Variants in KLHL36 observed in about 807,000 individuals in gnomAD.
The protein encoded by KLHL36 is kelch-like protein 36.
A neutral mutation model predicts 53.3 loss-of-function variants in KLHL36; 35 were observed. The observed-to-expected ratio is 0.66, with a 90% confidence interval of 0.50 to 0.87. KLHL36 has a LOEUF of 0.87. KLHL36 is among the 40% of genes least tolerant of loss of function. The probability of loss-of-function intolerance (pLI) is 0.00; values close to 1 mark genes in which losing one functional copy is unlikely to be tolerated. For missense variants in KLHL36, 864 were observed against 897.6 expected, an observed-to-expected ratio of 0.96 and a Z score of 0.48; for synonymous variants, 472 against 398.9, an observed-to-expected ratio of 1.18 and a Z score of -2.18.
At position 84,663,329 on chromosome 16, in the gene KLHL36, AC is replaced by A. The variant is rs1413842794; in HGVS notation, c.*1199del. The A allele has an allele frequency of 3.3e-5, 5 of 152,212 alleles. No homozygotes were observed. The allele number at this position is 152,212 out of a possible 1,614,324, so 9.4% of individuals were successfully genotyped here. A position where few individuals can be genotyped will look rare whatever the true frequency, so the allele number is the denominator to read the frequency against. On this transcript the variant is annotated 3_prime_UTR_variant, in exon 5 of 5. Transcript: ENST00000564996. Reference sequence around the variant, plus strand: ...GCCATTCAGCCTCTGAGCTGTTCGTACCCGGATGGCATCCCCTTCAGGATGT... The same window carrying A: ...GCCATTCAGCCTCTGAGCTGTTCGTACCGGATGGCATCCCCTTCAGGATGT...
At chr16:84,651,850 T>G (rs191269592) in intron 2 of KLHL36, among the ~76,000 whole-genome samples, 9 of 152,334 alleles carry the variant, frequency 5.9e-5, no homozygotes, top group Non-Finnish European at 1.0e-4. Context: ...GAAAAAAATC[T>G]TAAAAGCCTT....
At chr16:84,653,668 C>G (rs1245031335) in intron 2 of KLHL36, among the ~76,000 whole-genome samples, 1 of 152,054 alleles carries the variant, frequency 6.6e-6, no homozygotes, top group Non-Finnish European at 1.5e-5. Context: ...TGGCAAAACC[C>G]TGTCTCTACT....
intron 2 of KLHL36, among the ~76,000 whole-genome samples, chr16:84,654,882 T>A (rs1907110068): frequency 1.3e-5 from 2 of 152,190 alleles, no homozygotes; most frequent in Non-Finnish European, 2.9e-5. Flanking sequence ...AGTACTGGGA[T>A]TCCAGGCATG....
chr16:84,654,955 A>G (rs1907115415), intron 2 of KLHL36, among the ~76,000 whole-genome samples: 1 of 152,226 alleles, frequency 6.6e-6, no homozygotes, highest in African/African-American at 2.4e-5. Flanking sequence ...CTACTGTTGC[A>G]TGCCAGCCTG....
At chr16:84,660,077 G>A (rs967721680) in intron 4 of KLHL36, among the ~76,000 whole-genome samples, 160 bp downstream of exon 4, 6 of 152,280 alleles carry the variant, frequency 3.9e-5, no homozygotes, top group Non-Finnish European at 7.4e-5. Context: ...GGCGGAGGGC[G>A]TGACGGTGCA....
chr16:84,659,619 C>G (rs1907426612), intron 3 of KLHL36, 141 bp from the exon 4 acceptor site: 6 of 858,634 alleles, frequency 7.0e-6, no homozygotes, highest in Non-Finnish European at 1.1e-5. Context: ...TGAAGAAGCC[C>G]TCTTTATTCA....
At position 84,655,703 on chromosome 16, in the gene KLHL36, C is replaced by CAA. The variant is rs568975346; in HGVS notation, c.64-1151_64-1150dup. ...TGGGCAACAGAGTGAGACCCTGTCT[C>CAA]AAAAAAAAAAAAAAAAAAGTCGAAC... On this transcript the variant is annotated intron_variant, in intron 2 of 4. Coordinates refer to ENST00000564996, the MANE Select transcript of KLHL36 (RefSeq NM_024731.4). Among the ~76,000 whole-genome samples the CAA allele has an allele frequency of 3.4e-4, 32 of 93,320 alleles. 1 individual carries two copies. The highest frequency in any genetic ancestry group is 3.6e-4 in the East Asian group (1 of 2,810). The allele number at this position is 93,320 out of a possible 152,430, so 61.2% of individuals were successfully genotyped here.
chr16:84,650,483 G>A (rs939438165), intron 1 of KLHL36, among the ~76,000 whole-genome samples: 1 of 152,116 alleles, frequency 6.6e-6, no homozygotes, highest in Non-Finnish European at 1.5e-5. Flanking sequence ...CTTTGTGGGG[G>A]TTAAATGAGA....
intron 3 of KLHL36, 36 bp from the exon 4 acceptor site, chr16:84,659,724 C>A: frequency 6.2e-7 from 1 of 1,603,508 alleles, no homozygotes; most frequent in African/African-American, 1.3e-5. Context: ...GTCCCGGGTT[C>A]GGGGAAGGGA....
intron 4 of KLHL36, among the ~76,000 whole-genome samples, chr16:84,660,144 A>C (rs1907463797): frequency 6.6e-6 from 1 of 152,166 alleles, no homozygotes; most frequent in Non-Finnish European, 1.5e-5. Flanking sequence ...GCCATGACGG[A>C]CATCCCTCCA....
rs1907608556 is a variant in KLHL36, at chr16:84,662,326, T to C, written c.*193T>C. ...TGTAACTTTACATATCTTGCTTGAA[T>C]AACTAACCCTGGGCCCAGGCAGTGA... is the stretch of plus-strand genomic sequence containing the variant. On this transcript the variant is annotated 3_prime_UTR_variant, in exon 5 of 5. Coordinates refer to ENST00000564996, the MANE Select transcript of KLHL36 (RefSeq NM_024731.4). 1 of 567,830 alleles carries C rather than the reference T, an allele frequency of 1.8e-6. No individual in the cohort carries two copies. The allele number at this position is 567,830 out of a possible 1,614,324, so 35.2% of individuals were successfully genotyped here. A position where few individuals can be genotyped will look rare whatever the true frequency, so the allele number is the denominator to read the frequency against.
At chr16:84,660,506 A>G (rs1907483065) in intron 4 of KLHL36, among the ~76,000 whole-genome samples, 1 of 152,160 alleles carries the variant, frequency 6.6e-6, no homozygotes. Context: ...GAAGGTGCAC[A>G]CCATTTTTTC....
rs1298683843 is a variant in KLHL36, at chr16:84,667,476, G to C, written c.*5343G>C. 6.6e-6 allele frequency: 1 copy of C among 152,022 alleles called. No individual in the cohort carries two copies. Among genetic ancestry groups the C allele is most frequent in the Non-Finnish European group, 1.5e-5 (1 of 68,004 alleles). The allele number at this position is 152,022 out of a possible 1,614,324, so 9.4% of individuals were successfully genotyped here. On this transcript the variant is annotated 3_prime_UTR_variant, in exon 5 of 5. Coordinates refer to ENST00000564996, the MANE Select transcript of KLHL36 (RefSeq NM_024731.4). ...CTTAACTCTTTTTAATTAATTTTCT[G>C]CACGTTGCTTTTTTCTCTTTGTTTT...
At chr16:84,651,072 G>A in intron 2 of KLHL36, 142 bp downstream of exon 2, 1 of 656,170 alleles carries the variant, frequency 1.5e-6, no homozygotes. Flanking sequence ...GGTGGAAACG[G>A]GCAAGGAGCA....
intron 2 of KLHL36, among the ~76,000 whole-genome samples, chr16:84,656,512 G>A (rs932668726): frequency 5.3e-5 from 8 of 150,774 alleles, no homozygotes; most frequent in African/African-American, 7.3e-5. Flanking sequence ...CCGGGCTGTC[G>A]TCCCAGCTAC....
In KLHL36 at chr16:84,657,651, G is replaced by A. The variant is rs368978011; in HGVS notation, c.844G>A (p.Val282Ile). 117 of 1,612,148 alleles carry A rather than the reference G, an allele frequency of 7.3e-5. No individual in the cohort carries two copies. The highest frequency in any genetic ancestry group is 4.9e-4 in the African/African-American group (37 of 75,050). Residue 282 changes from valine to isoleucine, a missense_variant, in exon 3 of 5, where the codon GTC (valine) becomes ATC (isoleucine). Coordinates refer to ENST00000564996, the MANE Select transcript of KLHL36 (RefSeq NM_024731.4). Reference sequence around the variant, plus strand: ...CCACAACAACCTGGCGGCCCAGCCCGTCATGCAGACCAAGCGCACGGCGCT... The same window carrying A: ...CCACAACAACCTGGCGGCCCAGCCCATCATGCAGACCAAGCGCACGGCGCT... Reference protein sequence around the residue: ...RYHNNLAAQPVMQTKRTALRT... With the variant: ...RYHNNLAAQPIMQTKRTALRT...
intron 2 of KLHL36, among the ~76,000 whole-genome samples, chr16:84,652,009 T>C (rs1471480036): frequency 2.0e-5 from 3 of 152,214 alleles, no homozygotes; most frequent in Non-Finnish European, 4.4e-5. Context: ...AGGTTGGCTC[T>C]CTTGAGATAT....
chr16:84,666,157 A>G lies in KLHL36; in HGVS notation c.*4024A>G, dbSNP rs944727493. 2 of 152,254 alleles carry G rather than the reference A, an allele frequency of 1.3e-5. No individual in the cohort carries two copies. The highest frequency in any genetic ancestry group is 4.8e-5 in the African/African-American group (2 of 41,462). 9.4% of individuals were successfully genotyped at this position (152,254 alleles called of 1,614,324 possible). A position where few individuals can be genotyped will look rare whatever the true frequency, so the allele number is the denominator to read the frequency against. On this transcript the variant is annotated 3_prime_UTR_variant, in exon 5 of 5. Coordinates refer to ENST00000564996, the MANE Select transcript of KLHL36 (RefSeq NM_024731.4). ...GTCCTGCGCATCTGCCAAGCCTGGC[A>G]GTTTTTAGAGTTTTTTGAAATGTTT...
Position 84,659,923 on chromosome 16 carries a change from C to G in KLHL36, c.1295+6C>G, listed in dbSNP as rs746124187. 10 of 1,601,484 alleles carry G rather than the reference C, an allele frequency of 6.2e-6. No homozygotes were observed. Among genetic ancestry groups the G allele is most frequent in the Non-Finnish European group, 1.7e-6 (2 of 1,169,910 alleles). ...TATGTGGCCGGCTTGCCAAGGTGATCTGGGGCTTGGTGGAAGGTTCTCCAA... is the reference window on the plus strand; with the variant it reads ...TATGTGGCCGGCTTGCCAAGGTGATGTGGGGCTTGGTGGAAGGTTCTCCAA... On this transcript the variant is annotated splice_donor_region_variant and intron_variant, in intron 4 of 4. Transcript: ENST00000564996.
Sources: allele counts gnomAD v4.1 joint callset (sites outside exome capture counted in the v4.1 genomes callset), GRCh38; gene constraint gnomAD v4.1.1; transcripts MANE v1.5; gene names NCBI Gene and HGNC (gene_info 2026-07-23, HGNC 2026-07-21).